GPHN: variants seen among roughly 807,000 people sequenced by gnomAD.
The protein encoded by GPHN is gephyrin.
GPHN carries 17 observed loss-of-function variants against 95.5 expected under a neutral mutation model. That is an observed-to-expected ratio of 0.18 (90% CI 0.12 to 0.27). The LOEUF is 0.27. Among genes scored for constraint, GPHN ranks in the 10% least tolerant of loss-of-function variants. The probability of loss-of-function intolerance (pLI) is 1.00; values close to 1 mark genes in which losing one functional copy is unlikely to be tolerated. For synonymous variants in GPHN, 320 were observed against 322.5 expected (o/e 0.99, Z 0.08); for missense variants, 660 against 978.1 (o/e 0.67, Z 4.34).
chr14:67,137,949 A>G (rs539924999), intron 17 of GPHN, among the ~76,000 whole-genome samples: 2 of 152,324 alleles, frequency 1.3e-5, no homozygotes, highest in East Asian at 1.9e-4. Flanking sequence ...GCTTAATCCA[A>G]TAGCCCCTCT....
the GPHN span, among the ~76,000 whole-genome samples, chr14:67,671,156 C>T: frequency 6.6e-6 from 1 of 152,110 alleles, no homozygotes; most frequent in Non-Finnish European, 1.5e-5. Context: ...AGTTGTTGGA[C>T]TTATTATAAT....
At position 66,735,260 on chromosome 14, in the gene GPHN, G is replaced by A. The variant is rs1420062708; in HGVS notation, c.144-41204G>A. On this transcript the variant is annotated intron_variant, in intron 2 of 22. Transcript: ENST00000478722. ...GATACTATGTAAAGTACTATCTCAA[G>A]GTAGTTCGCAGTTTCAGTGTTAGAT... Among the ~76,000 whole-genome samples the A allele has an allele frequency of 6.6e-5, 10 of 152,190 alleles. No homozygotes were observed. In the East Asian group the frequency reaches 1.9e-3, roughly 29 times the overall value.
chr14:67,282,586 G>A, the GPHN span, among the ~76,000 whole-genome samples: 1 of 152,206 alleles, frequency 6.6e-6, no homozygotes, highest in African/African-American at 2.4e-5. Context: ...ACTCAGAAAG[G>A]ATGAACTGAA....
intron 1 of GPHN, among the ~76,000 whole-genome samples, chr14:66,673,103 A>AT (rs1256882340): frequency 6.6e-6 from 1 of 151,258 alleles, no homozygotes; most frequent in African/African-American, 2.4e-5. Context: ...TATTTTTATT[A>AT]TTTTTTTGAG....
At chr14:66,872,320 T>G (rs1317516456) in intron 4 of GPHN, among the ~76,000 whole-genome samples, 1 of 152,220 alleles carries the variant, frequency 6.6e-6, no homozygotes, top group Non-Finnish European at 1.5e-5. Context: ...ACTTATTTAC[T>G]GTAATACTTC....
At chr14:67,631,552 T>C in the GPHN span, among the ~76,000 whole-genome samples, 1 of 151,392 alleles carries the variant, frequency 6.6e-6, no homozygotes, top group African/African-American at 2.4e-5. Flanking sequence ...CCTCCTACTT[T>C]AGCCTCCCAA....
the GPHN span, chr14:67,332,835 G>A: frequency 6.2e-7 from 1 of 1,614,018 alleles, no homozygotes; most frequent in Admixed American, 1.7e-5. Context: ...CAGAACAATG[G>A]CCACTACTTT....
At position 67,179,717 on chromosome 14, in the gene GPHN, G is replaced by C. The variant is rs367567483; in HGVS notation, c.2176+43G>C. 9 of 943,012 alleles carry C rather than the reference G, an allele frequency of 9.5e-6. No individual in the cohort carries two copies. The African/African-American group carries it at 1.3e-4, about 13-fold the overall frequency. 58.4% of individuals were successfully genotyped at this position (943,012 alleles called of 1,614,324 possible). A position where few individuals can be genotyped will look rare whatever the true frequency, so the allele number is the denominator to read the frequency against. On this transcript the variant is annotated intron_variant, in intron 22 of 22. Transcript: ENST00000478722. ...ACAGATATTCCTAGACACCTATCCT[G>C]TTAAAACACAAACTTATATATAATC...
chr14:66,610,284 T>A (rs1045481445), intron 1 of GPHN, among the ~76,000 whole-genome samples: 1 of 152,124 alleles, frequency 6.6e-6, no homozygotes, highest in Non-Finnish European at 1.5e-5. Flanking sequence ...TGGCTCTGAC[T>A]TGTCGCTCTT....
chr14:67,569,046 C>A, the GPHN span: 3 of 848,094 alleles, frequency 3.5e-6, no homozygotes, highest in Admixed American at 2.1e-5. Flanking sequence ...GGTCTGCCCA[C>A]CCCCAAAGCC....
At chr14:67,257,237 A>G in the GPHN span, among the ~76,000 whole-genome samples, 314 of 152,304 alleles carry the variant, frequency 2.1e-3, no homozygotes, top group African/African-American at 7.0e-3. Flanking sequence ...TACATAAACC[A>G]TAGGGCAGAG....
At chr14:67,696,933 A>C in the GPHN span, among the ~76,000 whole-genome samples, 1 of 152,222 alleles carries the variant, frequency 6.6e-6, no homozygotes, top group African/African-American at 2.4e-5. Context: ...ACACAATACT[A>C]ATTCCTACCA....
intron 4 of GPHN, among the ~76,000 whole-genome samples, chr14:66,867,005 A>G (rs2063248009): frequency 6.6e-6 from 1 of 152,112 alleles, no homozygotes; most frequent in Non-Finnish European, 1.5e-5. Flanking sequence ...CTACCATGGT[A>G]CTGTCTCCTT....
chr14:67,458,259 CTGGAGTG>C, the GPHN span, among the ~76,000 whole-genome samples: 10 of 152,138 alleles, frequency 6.6e-5, no homozygotes, highest in African/African-American at 2.4e-4. Flanking sequence ...TGGGGTGGAG[CTGGAGTG>C]TGGGGTGAGG....
At chr14:66,825,675 A>G (rs1031376244) in intron 4 of GPHN, among the ~76,000 whole-genome samples, 2 of 151,704 alleles carry the variant, frequency 1.3e-5, no homozygotes, top group Non-Finnish European at 2.9e-5. Flanking sequence ...TTTTTTTTCT[A>G]TTCCTCTATA....
chr14:67,680,530 C>T, the GPHN span, among the ~76,000 whole-genome samples: 3 of 152,082 alleles, frequency 2.0e-5, no homozygotes, highest in Admixed American at 1.3e-4. Context: ...GTGGTGTGAT[C>T]GCAGCTCACT....
the GPHN span, among the ~76,000 whole-genome samples, chr14:67,504,763 T>C: frequency 6.6e-6 from 1 of 152,046 alleles, no homozygotes; most frequent in African/African-American, 2.4e-5. Flanking sequence ...CGGGTGCCCA[T>C]AATCCCAGCT....
rs373607183 is a variant in GPHN at position 66,683,368 on chromosome 14, A to G, written c.143+2183A>G. ...TATATATATATATATATATATATATATATATATATATGTTCATATATATAT... is the reference window on the plus strand; with the variant it reads ...TATATATATATATATATATATATATGTATATATATATGTTCATATATATAT... On this transcript the variant is annotated intron_variant, in intron 2 of 22. Coordinates refer to ENST00000478722, the MANE Select transcript of GPHN (RefSeq NM_020806.5). 6.4e-3 allele frequency among the ~76,000 whole-genome samples: 46 copies of G among 7,152 alleles called. 1 individual carries two copies. The highest frequency in any genetic ancestry group is 0.035 in the African/African-American group (19 of 538). The allele number at this position is 7,152 out of a possible 152,430, so 4.7% of individuals were successfully genotyped here.
intron 1 of GPHN, among the ~76,000 whole-genome samples, chr14:66,674,480 C>T (rs975738728): frequency 1.3e-5 from 2 of 152,184 alleles, no homozygotes; most frequent in Non-Finnish European, 2.9e-5. Flanking sequence ...TTCTAAGCCT[C>T]TAGCAACCAC....
Sources: allele counts gnomAD v4.1 joint callset (sites outside exome capture counted in the v4.1 genomes callset), GRCh38; gene constraint gnomAD v4.1.1; transcripts MANE v1.5; gene names NCBI Gene and HGNC (gene_info 2026-07-23, HGNC 2026-07-21).